Variants in FLT1 observed in about 807,000 individuals in gnomAD.
The protein encoded by FLT1 is vascular endothelial growth factor receptor 1.
In FLT1, 49 loss-of-function variants were observed where a neutral mutation model predicts 156.3. The observed-to-expected ratio is 0.31, with a 90% CI of 0.25 to 0.40. FLT1 has a LOEUF of 0.40. Among genes scored for constraint, FLT1 ranks in the 10% least tolerant of loss-of-function variants. FLT1 has a pLI of 1.00. For missense variants in FLT1, 1,322 were observed against 1,637.2 expected (o/e 0.81, Z 3.32); for synonymous variants, 594 against 583.8 (o/e 1.02, Z -0.25).
chr13:28,444,189 C>T (rs1403123341), intron 3 of FLT1, among the ~76,000 whole-genome samples: 1 of 152,152 alleles, frequency 6.6e-6, no homozygotes, highest in African/African-American at 2.4e-5. Context: ...TGTCTGTAAT[C>T]CCAGCACTTT....
intron 14 of FLT1, among the ~76,000 whole-genome samples, chr13:28,361,143 G>T (rs1007257015): frequency 1.3e-5 from 2 of 152,072 alleles, no homozygotes; most frequent in African/African-American, 4.8e-5. Flanking sequence ...GCCGGGCGTG[G>T]TGGCTCATGC....
intron 10 of FLT1, among the ~76,000 whole-genome samples, chr13:28,415,056 C>T (rs1876564657): frequency 6.6e-6 from 1 of 152,216 alleles, no homozygotes; most frequent in African/African-American, 2.4e-5. Context: ...TGGACAGTTT[C>T]AACTCAGGCA....
At chr13:28,465,765 C>G (rs183457733) in intron 3 of FLT1, among the ~76,000 whole-genome samples, 2 of 152,148 alleles carry the variant, frequency 1.3e-5, no homozygotes, top group East Asian at 3.9e-4. Context: ...AATCGCTTGC[C>G]CCTGGGAGGC....
intron 17 of FLT1, among the ~76,000 whole-genome samples, chr13:28,337,474 T>TCTTGGG (rs1872162367): frequency 6.6e-6 from 1 of 152,208 alleles, no homozygotes; most frequent in South Asian, 2.1e-4. Flanking sequence ...AATAAACAAG[T>TCTTGGG]CTTGGGCCTC....
At chr13:28,374,817 T>C (rs972682520) in intron 14 of FLT1, among the ~76,000 whole-genome samples, 6 of 152,230 alleles carry the variant, frequency 3.9e-5, no homozygotes, top group Admixed American at 3.9e-4. Flanking sequence ...CCGGCCCTCC[T>C]ATTTCTTATG....
chr13:28,372,305 C>A (rs1484520934), intron 14 of FLT1, among the ~76,000 whole-genome samples: 1 of 148,794 alleles, frequency 6.7e-6, no homozygotes, highest in Non-Finnish European at 1.5e-5. Flanking sequence ...TGGTCTTGAA[C>A]TCCTGACCTC....
In FLT1 at chr13:28,439,364, A is replaced by G. The variant is rs1878215587; in HGVS notation, c.389-1019T>C. On this transcript the variant is annotated intron_variant, in intron 3 of 29. Coordinates refer to ENST00000282397, the MANE Select transcript of FLT1 (RefSeq NM_002019.4). The surrounding 1 kb of genome is among the most constrained non-coding windows in gnomAD (Gnocchi z 4.1). ...ACCTGAAAGAACCAACCAGGCCCCCACCTGCTTGCTGGTCCTGCCTCAGGT... is the reference window on the plus strand; with the variant it reads ...ACCTGAAAGAACCAACCAGGCCCCCGCCTGCTTGCTGGTCCTGCCTCAGGT... Among the ~76,000 whole-genome samples, 1 of 152,168 alleles carries G rather than the reference A, an allele frequency of 6.6e-6. No homozygotes were observed. Among genetic ancestry groups the G allele is most frequent in the Non-Finnish European group, 1.5e-5 (1 of 68,032 alleles).
At chr13:28,448,921 G>A (rs369011275) in intron 3 of FLT1, among the ~76,000 whole-genome samples, 2 of 152,060 alleles carry the variant, frequency 1.3e-5, no homozygotes, top group African/African-American at 4.8e-5. Flanking sequence ...TTCCCCTCCT[G>A]CATCCAGTTT....
chr13:28,313,304 G>T (rs978481546), intron 25 of FLT1, among the ~76,000 whole-genome samples: 1 of 152,140 alleles, frequency 6.6e-6, no homozygotes, highest in Non-Finnish European at 1.5e-5. Flanking sequence ...AGATGTAAAG[G>T]TATCAGGCTC....
chr13:28,312,114 G>A lies in FLT1; in HGVS notation c.3387-16C>T, dbSNP rs753901918. On this transcript the variant is annotated splice_polypyrimidine_tract_variant and intron_variant, in intron 25 of 29. Coordinates refer to ENST00000282397, the MANE Select transcript of FLT1 (RefSeq NM_002019.4). ...GATCTGATAGCTGGTGGGGAAAACA[G>A]CAACAGAAATAGTTGGAGAGCAGTG... 6.6e-7 allele frequency: 1 copy of A among 1,512,876 alleles called. No homozygotes were observed. Among genetic ancestry groups the A allele is most frequent in the Admixed American group, 1.7e-5 (1 of 59,920 alleles). The allele number at this position is 1,512,876 out of a possible 1,614,324, so 93.7% of individuals were successfully genotyped here.
intron 1 of FLT1, among the ~76,000 whole-genome samples, chr13:28,476,768 G>A (rs1880572729): frequency 1.3e-5 from 2 of 152,152 alleles, no homozygotes; most frequent in African/African-American, 4.8e-5. Context: ...TTACCTAAAT[G>A]TTTAACACCA....
chr13:28,403,977 C>G (rs9513098), intron 11 of FLT1, among the ~76,000 whole-genome samples: 145,586 of 151,728 alleles, frequency 0.96, 70,046 homozygotes, highest in East Asian at 1. Context: ...GGGAGGCAGA[C>G]GTTGCCGTGA....
intron 14 of FLT1, among the ~76,000 whole-genome samples, chr13:28,373,295 G>A (rs1207732082): frequency 1.3e-5 from 2 of 152,268 alleles, no homozygotes; most frequent in East Asian, 3.9e-4. Context: ...ATACAGTCTT[G>A]ATTGTTTAAG....
In FLT1 at chr13:28,438,262, A is replaced by C; in HGVS notation, c.472T>G (p.Cys158Gly). Residue 158 changes from cysteine to glycine, a missense_variant, in exon 4 of 30, where the codon TGC becomes GGC. Cys to Gly is a radical substitution (Grantham distance 159, BLOSUM62 -3). Coordinates refer to ENST00000282397, the MANE Select transcript of FLT1 (RefSeq NM_002019.4). ...MTEGRELVIPCRVTSPNITVT... is the reference protein window; with the variant it reads ...MTEGRELVIPGRVTSPNITVT... The stretch of plus-strand genomic sequence containing the variant: ...GTGATGTTAGGTGACGTAACCCGGC[A>C]GGGAATGACGAGCTCCCTTCCTTCA... 1 of 1,613,942 alleles carries C rather than the reference A, an allele frequency of 6.2e-7. No homozygotes were observed. Among genetic ancestry groups the C allele is most frequent in the Non-Finnish European group, 8.5e-7 (1 of 1,179,788 alleles).
Position 28,302,068 on chromosome 13 carries a change from A to G in FLT1, c.*1099T>C, listed in dbSNP as rs1870536135. The G allele has an allele frequency of 4.3e-6, 1 of 233,496 alleles. No individual in the cohort carries two copies. Among genetic ancestry groups the G allele is most frequent in the Non-Finnish European group, 8.5e-6 (1 of 118,064 alleles). 14.5% of individuals were successfully genotyped at this position (233,496 alleles called of 1,614,324 possible). ...TGGTGAATTGGTTTGGTTGGTATAG[A>G]GACGGGGTTTTCCCTTGACCTTATT... On this transcript the variant is annotated 3_prime_UTR_variant, in exon 30 of 30. Transcript: ENST00000282397.
At chr13:28,337,743 G>A (rs1169709493) in intron 17 of FLT1, among the ~76,000 whole-genome samples, 1 of 152,202 alleles carries the variant, frequency 6.6e-6, no homozygotes, top group Non-Finnish European at 1.5e-5. Context: ...AGAAGGATTA[G>A]CAATCTGTGA....
intron 14 of FLT1, among the ~76,000 whole-genome samples, chr13:28,373,265 A>T (rs1873701900): frequency 1.3e-5 from 2 of 152,238 alleles, no homozygotes; most frequent in South Asian, 4.1e-4. Flanking sequence ...GAGTTGTATG[A>T]GATGGCTACT....
chr13:28,401,942 T>C (rs1269073826), intron 11 of FLT1, among the ~76,000 whole-genome samples: 1 of 150,226 alleles, frequency 6.7e-6, no homozygotes, highest in Admixed American at 6.6e-5. Flanking sequence ...TTCCTGTGTG[T>C]TTTTTCTAAC....
At chr13:28,312,518 A>G (rs1274357094) in intron 25 of FLT1, among the ~76,000 whole-genome samples, 3 of 152,168 alleles carry the variant, frequency 2.0e-5, no homozygotes, top group Non-Finnish European at 2.9e-5. Context: ...AGTTAAAAAA[A>G]AAAAAAGTCA....
Sources: gnomAD v4.1 joint callset for allele counts (sites outside exome capture counted in the v4.1 genomes callset) on GRCh38, gnomAD v4.1.1 for gene constraint, Gnocchi (gnomAD v3.1) non-coding constraint, MANE v1.5 for transcripts, NCBI Gene and HGNC (gene_info 2026-07-23, HGNC 2026-07-21) for gene names.